HTRA3: variants seen among roughly 807,000 people sequenced by gnomAD.
The protein encoded by HTRA3 is serine protease HTRA3.
HTRA3 carries 41 observed loss-of-function variants against 43.2 expected under a neutral mutation model. The observed-to-expected ratio is 0.95, with a 90% CI of 0.74 to 1.23. The LOEUF is 1.23. Ranked by LOEUF, HTRA3 falls within the 50% of genes most tolerant of loss-of-function variation. HTRA3 has a pLI of 0.00. For synonymous variants in HTRA3, 295 were observed against 287.9 expected (o/e 1.02, Z -0.25); for missense variants, 628 against 647.1 (o/e 0.97, Z 0.32).
rs141179344 is a variant in HTRA3, at chr4:8,271,243, G to A, written c.385+890G>A. Among the ~76,000 whole-genome samples, 135 of 152,232 alleles carry A rather than the reference G, an allele frequency of 8.9e-4. 1 individual carries two copies. The highest frequency in any genetic ancestry group is 7.1e-3 in the East Asian group (37 of 5,176). ...GGCTTCCTCATTTTTTCTGCGGTCC[G>A]CTGAACACAATTCCAAGTGTTTTCA... On this transcript the variant is annotated intron_variant, in intron 1 of 8. Transcript: ENST00000307358.
chr4:8,270,577 G>T (rs987719835), intron 1 of HTRA3, among the ~76,000 whole-genome samples: 1 of 152,230 alleles, frequency 6.6e-6, no homozygotes, highest in Non-Finnish European at 1.5e-5. Context: ...GGGAAACCCG[G>T]TGGTCTCCTG....
intron 1 of HTRA3, among the ~76,000 whole-genome samples, chr4:8,278,640 GC>G (rs1168692297): frequency 7.2e-5 from 11 of 152,088 alleles, no homozygotes; most frequent in African/African-American, 2.4e-4. Flanking sequence ...GGGGGCCCCT[GC>G]CCCCACCCCA....
intron 1 of HTRA3, among the ~76,000 whole-genome samples, chr4:8,280,100 G>A (rs145673678): frequency 4.2e-4 from 64 of 152,314 alleles, no homozygotes; most frequent in African/African-American, 1.5e-3. Flanking sequence ...GAGAGAGGTC[G>A]TGCAGGGGGA....
rs369408374 is a variant in HTRA3 at position 8,282,427 on chromosome 4, G to A, written c.386-10G>A. 80 of 1,608,724 alleles carry A rather than the reference G, an allele frequency of 5.0e-5. No homozygotes were observed. The highest frequency in any genetic ancestry group is 3.5e-4 in the African/African-American group (26 of 74,872). ...CTCACTGATGCACCTGGCCCTTCCC[G>A]CCAGCGCAGGTCTCCACCAGCTGAG... On this transcript the variant is annotated splice_polypyrimidine_tract_variant and intron_variant, in intron 1 of 8. Transcript: ENST00000307358.
At chr4:8,287,956 C>G (rs1157960584) in intron 3 of HTRA3, among the ~76,000 whole-genome samples, 1 of 152,258 alleles carries the variant, frequency 6.6e-6, no homozygotes, top group African/African-American at 2.4e-5. Context: ...CATGAGGTCA[C>G]TGAGTCCCAT....
intron 1 of HTRA3, among the ~76,000 whole-genome samples, chr4:8,276,624 A>T (rs1237391641): frequency 6.6e-6 from 1 of 152,216 alleles, no homozygotes; most frequent in Non-Finnish European, 1.5e-5. Flanking sequence ...GTGCACAAGG[A>T]CCAGCCTTCT....
chr4:8,305,761 A>T lies in HTRA3; in HGVS notation c.1197-210A>T, dbSNP rs543273788. ...TGAACCCACCCTTCTGACGCATGGG[A>T]GAAGCAGTTTGAAAGGTTGTTTCCC... On this transcript the variant is annotated intron_variant, in intron 8 of 8. Coordinates refer to ENST00000307358, the MANE Select transcript of HTRA3 (RefSeq NM_053044.5). Among the ~76,000 whole-genome samples, 5 of 152,110 alleles carry T rather than the reference A, an allele frequency of 3.3e-5. No individual in the cohort carries two copies. In the South Asian group the frequency reaches 1.0e-3, roughly 32 times the overall value.
intron 6 of HTRA3, among the ~76,000 whole-genome samples, chr4:8,301,740 C>T (rs1285945737): frequency 3.3e-5 from 5 of 152,170 alleles, no homozygotes; most frequent in African/African-American, 1.2e-4. Context: ...TTTTATTCAG[C>T]TGAACATAAT....
chr4:8,288,130 A>C (rs1713068496), intron 3 of HTRA3, among the ~76,000 whole-genome samples: 1 of 152,168 alleles, frequency 6.6e-6, no homozygotes, highest in East Asian at 1.9e-4. Context: ...AGGAGATTTA[A>C]TGGTTCCAAG....
At chr4:8,290,882 T>C (rs1197466553) in intron 3 of HTRA3, among the ~76,000 whole-genome samples, 1 of 152,190 alleles carries the variant, frequency 6.6e-6, no homozygotes, top group Non-Finnish European at 1.5e-5. Flanking sequence ...CCCGTGTGTC[T>C]CTACTGGGAG....
intron 2 of HTRA3, 47 bp downstream of exon 2, chr4:8,282,583 T>G (rs764815270): frequency 7.1e-7 from 1 of 1,405,644 alleles, no homozygotes; most frequent in Admixed American, 1.7e-5. Flanking sequence ...TGTCCCCTGG[T>G]ACACCCGCCA....
At chr4:8,287,548 G>A (rs980587244) in intron 3 of HTRA3, among the ~76,000 whole-genome samples, 5 of 152,054 alleles carry the variant, frequency 3.3e-5, no homozygotes, top group East Asian at 1.9e-4. Context: ...TGGCAGAGCC[G>A]GAGAGAGAGA....
At chr4:8,300,100 A>C (rs534429698) in intron 6 of HTRA3, among the ~76,000 whole-genome samples, 2 of 152,370 alleles carry the variant, frequency 1.3e-5, no homozygotes, top group Admixed American at 6.5e-5. Context: ...TTGGCCTCCC[A>C]GAGTGCTGGG....
chr4:8,299,474 T>C (rs1713563090), intron 6 of HTRA3, among the ~76,000 whole-genome samples: 1 of 151,288 alleles, frequency 6.6e-6, no homozygotes, highest in Admixed American at 6.6e-5. Context: ...CTGAATGCCT[T>C]TTTTTTTTCT....
Position 8,296,376 on chromosome 4 carries a change from T to G in HTRA3, c.1051+2175T>G, listed in dbSNP as rs1713457380. 1 of 985,372 alleles carries G rather than the reference T, an allele frequency of 1.0e-6. No homozygotes were observed. The highest frequency in any genetic ancestry group is 6.1e-5 in the Admixed American group (1 of 16,272). 61.0% of individuals were successfully genotyped at this position (985,372 alleles called of 1,614,324 possible). A position where few individuals can be genotyped will look rare whatever the true frequency, so the allele number is the denominator to read the frequency against. On this transcript the variant is annotated intron_variant, in intron 6 of 8. Coordinates refer to ENST00000307358, the MANE Select transcript of HTRA3 (RefSeq NM_053044.5). The surrounding 1 kb of genome is among the most constrained non-coding windows in gnomAD (Gnocchi z 5.3). ...GACTAACTGAGGAGCCTGATAAACC[T>G]TAGCTGCATGGCACACTTGCAATTT...
intron 2 of HTRA3, among the ~76,000 whole-genome samples, chr4:8,285,603 G>A (rs1487864069): frequency 2.0e-5 from 3 of 152,214 alleles, no homozygotes; most frequent in African/African-American, 4.8e-5. Flanking sequence ...CTGGGGTCCC[G>A]AAGGTTCCCA....
At chr4:8,304,410 C>A in intron 8 of HTRA3, 131 bp downstream of exon 8, 2 of 677,742 alleles carry the variant, frequency 3.0e-6, no homozygotes, top group Non-Finnish European at 5.1e-6. Flanking sequence ...TGGATTCTAG[C>A]GTGTCTGCTA....
At chr4:8,277,552 G>A (rs1578789155) in intron 1 of HTRA3, among the ~76,000 whole-genome samples, 1 of 152,326 alleles carries the variant, frequency 6.6e-6, no homozygotes, top group Admixed American at 6.5e-5. Flanking sequence ...CAGAGGAGGC[G>A]CTGCTGGCCT....
intron 5 of HTRA3, among the ~76,000 whole-genome samples, chr4:8,293,726 C>T (rs528266344): frequency 1.3e-5 from 2 of 152,240 alleles, no homozygotes; most frequent in East Asian, 1.9e-4. Context: ...TCTCTGTCCC[C>T]GACAGGCCTT....
Sources: allele counts gnomAD v4.1 joint callset (sites outside exome capture counted in the v4.1 genomes callset), GRCh38; gene constraint gnomAD v4.1.1; non-coding constraint Gnocchi (gnomAD v3.1); transcripts MANE v1.5; gene names NCBI Gene and HGNC (gene_info 2026-07-23, HGNC 2026-07-21).